Variants in APBB2 observed in about 807,000 individuals in gnomAD.
The protein encoded by APBB2 is Fe65-like 1.
Under a neutral mutation model 82.5 loss-of-function variants are expected in APBB2, and 38 were observed. The ratio of observed to expected loss-of-function variants is 0.46; its 90% CI spans 0.36 to 0.60. APBB2 has a LOEUF of 0.60. APBB2 is among the 20% of genes least tolerant of loss of function. The probability of loss-of-function intolerance (pLI) is 0.00; values close to 1 mark genes in which losing one functional copy is unlikely to be tolerated. For synonymous variants in APBB2, 341 were observed against 368.2 expected, an observed-to-expected ratio of 0.93 and a Z score of 0.85; for missense variants, 772 against 972.3, an observed-to-expected ratio of 0.79 and a Z score of 2.74.
intron 10 of APBB2, among the ~76,000 whole-genome samples, chr4:40,916,552 C>T (rs1297835310): frequency 6.6e-6 from 1 of 152,158 alleles, no homozygotes; most frequent in Non-Finnish European, 1.5e-5. Context: ...AACAATTTGG[C>T]CCATGTAGAC....
chr4:41,055,514 C>T (rs1009562767), intron 4 of APBB2, among the ~76,000 whole-genome samples: 1 of 152,178 alleles, frequency 6.6e-6, no homozygotes, highest in Non-Finnish European at 1.5e-5. Flanking sequence ...CTCTATACCA[C>T]CCACTCTTTC....
At chr4:40,968,917 T>A (rs1345817095) in intron 6 of APBB2, among the ~76,000 whole-genome samples, 1 of 152,146 alleles carries the variant, frequency 6.6e-6, no homozygotes, top group African/African-American at 2.4e-5. Flanking sequence ...TGGGGGAGGT[T>A]TCCCCCATAC....
chr4:41,108,453 G>A (rs773414174), intron 2 of APBB2, among the ~76,000 whole-genome samples: 1 of 152,074 alleles, frequency 6.6e-6, no homozygotes, highest in African/African-American at 2.4e-5. Context: ...GAAAAAAAAA[G>A]AGACCCGTGG....
At chr4:41,173,551 C>T (rs78198478) in intron 1 of APBB2, among the ~76,000 whole-genome samples, 6,327 of 152,234 alleles carry the variant, frequency 0.042, 148 homozygotes, top group Middle Eastern at 0.058. Context: ...ATTCTAGGTG[C>T]ACATAACAAC....
At chr4:41,056,760 G>A (rs578181808) in intron 4 of APBB2, among the ~76,000 whole-genome samples, 2 of 152,118 alleles carry the variant, frequency 1.3e-5, no homozygotes, top group East Asian at 1.9e-4. Flanking sequence ...ACTGCACCCC[G>A]CTTACTTGCT....
chr4:41,150,244 T>A (rs576205340), intron 1 of APBB2, among the ~76,000 whole-genome samples: 2 of 152,212 alleles, frequency 1.3e-5, no homozygotes, highest in South Asian at 4.1e-4. Flanking sequence ...AATTGTGTAA[T>A]TCAAGAGGAT....
At chr4:40,992,219 C>A (rs1365164520) in intron 6 of APBB2, among the ~76,000 whole-genome samples, 1 of 152,186 alleles carries the variant, frequency 6.6e-6, no homozygotes, top group African/African-American at 2.4e-5. Context: ...GTTGCACAAG[C>A]TGGAAGCCAG....
At chr4:40,922,884 C>T (rs532528702) in intron 10 of APBB2, among the ~76,000 whole-genome samples, 4 of 152,080 alleles carry the variant, frequency 2.6e-5, no homozygotes, top group Non-Finnish European at 4.4e-5. Context: ...TCCCAAAGTG[C>T]TGGGATTACA....
At position 41,162,307 on chromosome 4, in the gene APBB2, T is replaced by C. The variant is rs78537389; in HGVS notation, c.-416-19165A>G. Among the ~76,000 whole-genome samples, 94 of 152,164 alleles carry C rather than the reference T, an allele frequency of 6.2e-4. No individual in the cohort carries two copies. The East Asian group carries it at 8.3e-3, about 13-fold the overall frequency. ...GGTTAAAGTATTTCTTAAATTTCTTTTAATCTCTAGGTCTCCTATTCATCT... is the reference window on the plus strand; with the variant it reads ...GGTTAAAGTATTTCTTAAATTTCTTCTAATCTCTAGGTCTCCTATTCATCT... On this transcript the variant is annotated intron_variant, in intron 1 of 17. Transcript: ENST00000508593.
At chr4:41,022,192 C>G (rs1406632355) in intron 5 of APBB2, among the ~76,000 whole-genome samples, 1 of 152,190 alleles carries the variant, frequency 6.6e-6, no homozygotes, top group African/African-American at 2.4e-5. Flanking sequence ...CATGTAAAAA[C>G]CACCTGGGGG....
chr4:40,904,354 C>T lies in APBB2; in HGVS notation c.1255-10943G>A, dbSNP rs561597120. On this transcript the variant is annotated intron_variant, in intron 10 of 17. Coordinates refer to ENST00000508593, the MANE Select transcript of APBB2 (RefSeq NM_004307.2). Reference sequence around the variant, plus strand: ...GCTGAGGCAGGAGAATTGCTTGAACCTGGGAGGCGCAGGTTGCAGTAAGCC... The same window carrying T: ...GCTGAGGCAGGAGAATTGCTTGAACTTGGGAGGCGCAGGTTGCAGTAAGCC... 2.3e-4 allele frequency among the ~76,000 whole-genome samples: 35 copies of T among 152,152 alleles called. No individual in the cohort carries two copies. In the South Asian group the frequency reaches 6.2e-3, roughly 27 times the overall value.
rs570344631 is a variant in APBB2, at chr4:41,159,997, A to G, written c.-416-16855T>C. On this transcript the variant is annotated intron_variant, in intron 1 of 17. Coordinates refer to ENST00000508593, the MANE Select transcript of APBB2 (RefSeq NM_004307.2). ...GAAGAAGAAGAAGAAGAAGAAGAAGAAGAAGAAGAAGAAGAAGAAGAAGAA... is the reference window on the plus strand; with the variant it reads ...GAAGAAGAAGAAGAAGAAGAAGAAGGAGAAGAAGAAGAAGAAGAAGAAGAA... Among the ~76,000 whole-genome samples the G allele has an allele frequency of 3.2e-4, 48 of 147,984 alleles. 2 individuals are homozygous for G. Among genetic ancestry groups the G allele is most frequent in the African/African-American group, 1.1e-3 (44 of 38,948 alleles).
At chr4:41,174,320 T>C (rs773644078) in intron 1 of APBB2, among the ~76,000 whole-genome samples, 1 of 152,134 alleles carries the variant, frequency 6.6e-6, no homozygotes, top group Non-Finnish European at 1.5e-5. Context: ...CTTTTTTAAG[T>C]CAGAGAATCT....
At chr4:41,103,734 T>C (rs941458951) in intron 2 of APBB2, among the ~76,000 whole-genome samples, 2 of 152,162 alleles carry the variant, frequency 1.3e-5, no homozygotes, top group African/African-American at 2.4e-5. Flanking sequence ...AGTGGGAACA[T>C]CCTTTTTACC....
intron 10 of APBB2, among the ~76,000 whole-genome samples, chr4:40,897,068 G>A (rs1773873750): frequency 6.6e-6 from 1 of 152,136 alleles, no homozygotes; most frequent in Admixed American, 6.5e-5. Context: ...CAACAAAGAA[G>A]GTAAAAAAGA....
At chr4:40,878,409 C>T (rs1291554904) in intron 12 of APBB2, among the ~76,000 whole-genome samples, 1 of 152,112 alleles carries the variant, frequency 6.6e-6, no homozygotes, top group African/African-American at 2.4e-5. Context: ...AGAAGCTTAT[C>T]TAATGCACTG....
chr4:41,060,279 A>C (rs976433926), intron 4 of APBB2, among the ~76,000 whole-genome samples: 7 of 152,272 alleles, frequency 4.6e-5, no homozygotes, highest in Admixed American at 2.0e-4. Context: ...AACTAAAGCT[A>C]AAGAGAACCA....
chr4:41,209,463 G>A (rs538157526), intron 1 of APBB2, among the ~76,000 whole-genome samples: 2 of 152,208 alleles, frequency 1.3e-5, no homozygotes, highest in Non-Finnish European at 2.9e-5. Flanking sequence ...CAGGGCTAAC[G>A]TCAAATGAGA....
At chr4:41,054,070 T>C (rs1478208297) in intron 4 of APBB2, among the ~76,000 whole-genome samples, 1 of 152,240 alleles carries the variant, frequency 6.6e-6, no homozygotes, top group Non-Finnish European at 1.5e-5. Flanking sequence ...GGCCCAGGGC[T>C]GCAGGTGTTG....
Sources: allele counts gnomAD v4.1 joint callset (sites outside exome capture counted in the v4.1 genomes callset), GRCh38; gene constraint gnomAD v4.1.1; transcripts MANE v1.5; gene names NCBI Gene and HGNC (gene_info 2026-07-23, HGNC 2026-07-21).